Variants in FAM20B observed in about 807,000 individuals in gnomAD.
FAM20B encodes FAM20B glycosaminoglycan xylosylkinase, also known as glycosaminoglycan xylosylkinase.
A neutral mutation model predicts 43.8 loss-of-function variants in FAM20B; 23 were observed. The ratio of observed to expected loss-of-function variants is 0.53; its 90% CI spans 0.38 to 0.74. The LOEUF (loss-of-function observed/expected upper bound fraction) is 0.74, where lower values mean the gene tolerates loss of function less well. Ranked by LOEUF, FAM20B falls within the 30% of genes least tolerant of loss-of-function variation. The pLI is 0.00. For missense variants in FAM20B, 440 were observed against 510.5 expected (o/e 0.86, Z 1.33); for synonymous variants, 178 against 192.4 (o/e 0.93, Z 0.62).
chr1:179,050,993 G>T (rs530129735), intron 3 of FAM20B, among the ~76,000 whole-genome samples: 2 of 152,064 alleles, frequency 1.3e-5, no homozygotes, highest in East Asian at 3.9e-4. Context: ...GTGGTGACAG[G>T]CACCTGTAGT....
intron 4 of FAM20B, among the ~76,000 whole-genome samples, chr1:179,062,613 G>T (rs1651517643): frequency 6.6e-6 from 1 of 151,978 alleles, no homozygotes; most frequent in South Asian, 2.1e-4. Flanking sequence ...TCATGCCACT[G>T]CATTCTAGCC....
At chr1:179,018,833 G>A in the FAM20B span, among the ~76,000 whole-genome samples, 4 of 152,104 alleles carry the variant, frequency 2.6e-5, no homozygotes, top group Non-Finnish European at 2.9e-5. Flanking sequence ...ATTGGCTCAC[G>A]TGAATATGGA....
rs770259658 is a variant in FAM20B, at chr1:179,044,189, T to C, written c.342T>C (p.Leu114=). The C allele has an allele frequency of 6.2e-7, 1 of 1,611,590 alleles. No individual in the cohort carries two copies. The highest frequency in any genetic ancestry group is 1.3e-5 in the African/African-American group (1 of 74,876). The part of the protein sequence containing the change: ...KGTQLKALLI[L]EGGQKVVFKP... ...CACAGCTGAAAGCCTTACTGATACT[T>C]GAAGGAGGCCAGAAAGTTGTTTTCA... Residue 114 remains leucine (L), a synonymous_variant, in exon 2 of 8, where the codon CTT becomes CTC. Coordinates refer to ENST00000263733, the MANE Select transcript of FAM20B (RefSeq NM_014864.4).
intron 1 of FAM20B, among the ~76,000 whole-genome samples, chr1:179,041,014 A>C (rs1196479316): frequency 7.4e-6 from 1 of 135,166 alleles, no homozygotes; most frequent in African/African-American, 2.9e-5. Context: ...ATCTCAGACG[A>C]TGGGCAGCCG....
upstream of FAM20B, among the ~76,000 whole-genome samples, chr1:179,023,956 G>A (rs1274691226): frequency 6.6e-6 from 1 of 152,192 alleles, no homozygotes; most frequent in Non-Finnish European, 1.5e-5. Flanking sequence ...TACAGGCGGA[G>A]GGGGCAGAAA....
Position 179,076,402 on chromosome 1 carries a change from C to A in FAM20B, c.*4258C>A. 1 of 152,530 alleles carries A rather than the reference C, an allele frequency of 6.6e-6. No individual in the cohort carries two copies. Among genetic ancestry groups the A allele is most frequent in the East Asian group, 1.9e-4 (1 of 5,196 alleles). The allele number at this position is 152,530 out of a possible 1,614,324, so 9.4% of individuals were successfully genotyped here. On this transcript the variant is annotated 3_prime_UTR_variant, in exon 8 of 8. Coordinates refer to ENST00000263733, the MANE Select transcript of FAM20B (RefSeq NM_014864.4). Reference sequence around the variant, plus strand: ...TAAATGGAAAGTGTGGGAGCCACTACCCTCTCTTTTGATCTGCCAAGGATT... The same window carrying A: ...TAAATGGAAAGTGTGGGAGCCACTAACCTCTCTTTTGATCTGCCAAGGATT...
chr1:179,022,585 CAG>C (rs1395378721), upstream of FAM20B, among the ~76,000 whole-genome samples: 1 of 152,156 alleles, frequency 6.6e-6, no homozygotes, highest in Non-Finnish European at 1.5e-5. Context: ...GACAAATTGG[CAG>C]AGACTTGGAA....
At chr1:179,062,286 A>T (rs914439842) in intron 4 of FAM20B, among the ~76,000 whole-genome samples, 1 of 152,178 alleles carries the variant, frequency 6.6e-6, no homozygotes, top group African/African-American at 2.4e-5. Context: ...AGAGGTGGGA[A>T]ATATATGTAT....
chr1:179,046,438 G>T (rs1017089443), intron 2 of FAM20B, among the ~76,000 whole-genome samples: 2 of 152,270 alleles, frequency 1.3e-5, no homozygotes, highest in East Asian at 1.9e-4. Flanking sequence ...ATCACTTGAC[G>T]TCAGGAGTTT....
intron 4 of FAM20B, 42 bp downstream of exon 4, chr1:179,054,680 A>G: frequency 8.2e-7 from 1 of 1,216,066 alleles, no homozygotes; most frequent in African/African-American, 1.5e-5. Context: ...GGAATGATTA[A>G]TAAGTTAAAA....
In FAM20B at chr1:179,044,141, A is replaced by G. The variant is rs1650664282; in HGVS notation, c.294A>G (p.Lys98=). The change falls in exon 2 of 8, where the codon AAA becomes AAG. Residue 98 remains lysine (K), a synonymous_variant. Coordinates refer to ENST00000263733, the MANE Select transcript of FAM20B (RefSeq NM_014864.4). The part of the protein sequence containing the change: ...MHAMATKKII[K]ADVGYKGTQL... ...CCATGGCCACCAAGAAAATCATTAAAGCTGATGTGGGTTATAAAGGGACAC... is the reference window on the plus strand; with the variant it reads ...CCATGGCCACCAAGAAAATCATTAAGGCTGATGTGGGTTATAAAGGGACAC... The G allele has an allele frequency of 4.3e-6, 7 of 1,614,186 alleles. No homozygotes were observed. The highest frequency in any genetic ancestry group is 5.9e-6 in the Non-Finnish European group (7 of 1,180,024).
chr1:179,051,242 C>G (rs16853590), intron 3 of FAM20B, among the ~76,000 whole-genome samples: 20,152 of 151,834 alleles, frequency 0.13, 1,671 homozygotes, highest in East Asian at 0.3. Flanking sequence ...GCTGAACTGT[C>G]TGGTATCCCA....
chr1:179,045,421 G>T (rs1424344168), intron 2 of FAM20B, among the ~76,000 whole-genome samples: 1 of 152,186 alleles, frequency 6.6e-6, no homozygotes, highest in Non-Finnish European at 1.5e-5. Context: ...GAGAAGAAAT[G>T]TAGGGAAAAG....
At chr1:179,059,485 A>C (rs1361633508) in intron 4 of FAM20B, among the ~76,000 whole-genome samples, 1 of 152,146 alleles carries the variant, frequency 6.6e-6, no homozygotes. Context: ...AAACTAGTCT[A>C]AATGTTAACC....
chr1:179,036,698 T>A (rs1242086168), intron 1 of FAM20B, among the ~76,000 whole-genome samples: 4 of 152,108 alleles, frequency 2.6e-5, no homozygotes, highest in African/African-American at 7.2e-5. Context: ...CTCTCACATA[T>A]AAAGGAGTGA....
chr1:179,026,365 G>T (rs67498652), intron 1 of FAM20B, among the ~76,000 whole-genome samples: 59,754 of 151,570 alleles, frequency 0.39, 12,054 homozygotes, highest in African/African-American at 0.45. Flanking sequence ...GCGGCTGAAG[G>T]GACGCGGCCT....
At chr1:179,040,994 C>G (rs1445352839) in intron 1 of FAM20B, among the ~76,000 whole-genome samples, 1 of 144,398 alleles carries the variant, frequency 6.9e-6, no homozygotes, top group South Asian at 2.2e-4. Flanking sequence ...CGGGCAGAGG[C>G]GCTCCCCACA....
chr1:179,066,679 T>C lies in FAM20B; in HGVS notation c.939-121T>C, dbSNP rs570156818. The stretch of plus-strand genomic sequence containing the variant: ...TGTTTTCAATTTAAGTGATTTGAGC[T>C]GCTGGAGCGTGAAATTATCTAGGAT... On this transcript the variant is annotated intron_variant, in intron 6 of 7. Coordinates refer to ENST00000263733, the MANE Select transcript of FAM20B (RefSeq NM_014864.4). 24 of 698,204 alleles carry C rather than the reference T, an allele frequency of 3.4e-5. No individual in the cohort carries two copies. In the African/African-American group the frequency reaches 3.9e-4, roughly 11 times the overall value. 43.3% of individuals were successfully genotyped at this position (698,204 alleles called of 1,614,324 possible). A position where few individuals can be genotyped will look rare whatever the true frequency, so the allele number is the denominator to read the frequency against.
intron 6 of FAM20B, 89 bp downstream of exon 6, chr1:179,064,585 A>G: frequency 9.8e-7 from 1 of 1,021,540 alleles, no homozygotes. Flanking sequence ...AATATCCAGA[A>G]TGCAATTGAT....
Sources: allele counts gnomAD v4.1 joint callset (sites outside exome capture counted in the v4.1 genomes callset), GRCh38; gene constraint gnomAD v4.1.1; transcripts MANE v1.5; gene names NCBI Gene and HGNC (gene_info 2026-07-23, HGNC 2026-07-21).